HSPA1L: variants seen among roughly 807,000 people sequenced by gnomAD.
HSPA1L encodes the protein heat shock protein family A (Hsp70) member 1 like.
HSPA1L carries 21 observed loss-of-function variants against 31.5 expected under a neutral mutation model. That is an observed-to-expected ratio of 0.67 (90% CI 0.47 to 0.96). HSPA1L has a LOEUF of 0.96. Ranked by LOEUF, HSPA1L falls within the 40% of genes least tolerant of loss-of-function variation. The pLI is 0.00. For synonymous variants in HSPA1L, 293 were observed against 323.1 expected (o/e 0.91, Z 1.00); for missense variants, 709 against 813.4 (o/e 0.87, Z 1.56).
intron 1 of HSPA1L, among the ~76,000 whole-genome samples, chr6:31,813,396 T>C (rs1463401328): frequency 6.6e-6 from 1 of 152,152 alleles, no homozygotes; most frequent in East Asian, 1.9e-4. Context: ...CTCCACCTCC[T>C]GGGTTCAAGC....
rs1815822205 is a variant in HSPA1L, at chr6:31,815,251, G to C, written c.-376C>G. 6.6e-6 allele frequency among the ~76,000 whole-genome samples: 1 copy of C among 152,138 alleles called. No individual in the cohort carries two copies. Among genetic ancestry groups the C allele is most frequent in the South Asian group, 2.1e-4 (1 of 4,824 alleles). ...CCCTTCCTGTCAATTAGGCGCTGAA[G>C]CGCAGGCGGTCAGCATCGCCATGGA... On this transcript the variant is annotated 5_prime_UTR_variant, in exon 1 of 2. Transcript: ENST00000375654.
rs150810052 is a variant in HSPA1L at position 31,811,858 on chromosome 6, T to C, written c.115A>G (p.Thr39Ala). ...GTGAAGGCCACGTAGCTGGGGGTGG[T>C]GCGGTTGCCCTGGTCGTTGGCGATG... is the stretch of plus-strand genomic sequence containing the variant. Reference protein sequence around the residue: ...EIIANDQGNRTTPSYVAFTDT... With the variant: ...EIIANDQGNRATPSYVAFTDT... Residue 39 changes from threonine to alanine, a missense_variant, in exon 2 of 2, where the codon ACC becomes GCC. Physicochemically the swap from Thr to Ala is moderately conservative, Grantham distance 58. Transcript: ENST00000375654. 2.4e-5 allele frequency: 38 copies of C among 1,614,038 alleles called. No individual in the cohort carries two copies. Among genetic ancestry groups the C allele is most frequent in the Non-Finnish European group, 3.1e-5 (37 of 1,180,038 alleles).
chr6:31,812,127 C>A, intron 1 of HSPA1L, 142 bp from the exon 2 acceptor site: 1 of 1,096,020 alleles, frequency 9.1e-7, no homozygotes, highest in Non-Finnish European at 1.3e-6. Flanking sequence ...CTCCTAGGCT[C>A]CAGCAATCTT....
chr6:31,812,078 G>T, intron 1 of HSPA1L, 93 bp from the exon 2 acceptor site: 1 of 1,446,396 alleles, frequency 6.9e-7, no homozygotes, highest in South Asian at 1.4e-5. Flanking sequence ...ACCCAGGTTG[G>T]AGTGCAGAGG....
intron 1 of HSPA1L, 103 bp downstream of exon 1, chr6:31,814,786 A>T (rs1405080591): frequency 2.0e-6 from 1 of 499,530 alleles, no homozygotes; most frequent in Non-Finnish European, 2.6e-6. Context: ...CAACGCCCAC[A>T]TACCTCAGGC....
At chr6:31,812,965 G>A (rs1463520416) in intron 1 of HSPA1L, among the ~76,000 whole-genome samples, 1 of 152,042 alleles carries the variant, frequency 6.6e-6, no homozygotes, top group Admixed American at 6.6e-5. Flanking sequence ...TGGACCACAG[G>A]TGAATGCCAC....
rs149204208 is a variant in HSPA1L at position 31,811,463 on chromosome 6, A to C, written c.510T>G (p.Asn170Lys). 6.2e-6 allele frequency: 10 copies of C among 1,614,060 alleles called. No homozygotes were observed. In the South Asian group the frequency reaches 9.9e-5, roughly 16 times the overall value. The change falls in exon 2 of 2, where the codon AAT (asparagine) becomes AAG (lysine). Residue 170 changes from asparagine to lysine, a missense_variant. Coordinates refer to ENST00000375654, the MANE Select transcript of HSPA1L (RefSeq NM_005527.4). ...TKDAGVIAGLNVLRIINEPTA... is the reference protein window; with the variant it reads ...TKDAGVIAGLKVLRIINEPTA... ...TGGGCTCATTGATGATTCTTAGCAC[A>C]TTAAGTCCAGCAATCACACCTGCAT...
chr6:31,814,998 C>A lies in HSPA1L; in HGVS notation c.-123G>T. 1 of 238,732 alleles carries A rather than the reference C, an allele frequency of 4.2e-6. No homozygotes were observed. Among genetic ancestry groups the A allele is most frequent in the Non-Finnish European group, 6.3e-6 (1 of 158,986 alleles). 14.8% of individuals were successfully genotyped at this position (238,732 alleles called of 1,614,324 possible). ...AACTGCACAACCGGGGTCCCCCCAC[C>A]CCCCACCCCGTCCCTCCCTGCAAAT... is the stretch of plus-strand genomic sequence containing the variant. On this transcript the variant is annotated 5_prime_UTR_variant, in exon 1 of 2. Transcript: ENST00000375654.
rs940984773 is a variant in HSPA1L, at chr6:31,815,030, C to G, written c.-155G>C. ...CCCGTCCCTCCCTGCAAATTTGAGA[C>G]GGCTCCAACTCAGTAATCTTTTTCC... On this transcript the variant is annotated 5_prime_UTR_variant, in exon 1 of 2. Transcript: ENST00000375654. 1.8e-5 allele frequency: 14 copies of G among 791,086 alleles called. No homozygotes were observed. In the East Asian group the frequency reaches 2.0e-3, roughly 111 times the overall value. 49.0% of individuals were successfully genotyped at this position (791,086 alleles called of 1,614,324 possible).
rs779075036 is a variant in HSPA1L at position 31,810,784 on chromosome 6, C to CCAG, written c.1186_1188dup (p.Leu396dup). On this transcript the variant is annotated inframe_insertion, in exon 2 of 2. Coordinates refer to ENST00000375654, the MANE Select transcript of HSPA1L (RefSeq NM_005527.4). The stretch of plus-strand genomic sequence containing the variant: ...AGCCCCAGGGACAGGGGAGCCACGT[C>CCAG]CAGCAGCAGCAGGTCCTGTACCTTC... 1.7e-5 allele frequency: 28 copies of CCAG among 1,613,976 alleles called. No individual in the cohort carries two copies. Among genetic ancestry groups the CCAG allele is most frequent in the Non-Finnish European group, 2.2e-5 (26 of 1,180,010 alleles).
In HSPA1L at chr6:31,810,230, C is replaced by T. The variant is rs770301919; in HGVS notation, c.1743G>A (p.Ser581=). 2.4e-5 allele frequency: 36 copies of T among 1,525,620 alleles called. No homozygotes were observed. Among genetic ancestry groups the T allele is most frequent in the South Asian group, 1.3e-4 (10 of 74,796 alleles). 94.5% of individuals were successfully genotyped at this position (1,525,620 alleles called of 1,614,324 possible). A position where few individuals can be genotyped will look rare whatever the true frequency, so the allele number is the denominator to read the frequency against. The change falls in exon 2 of 2, where the codon TCG becomes TCA. Residue 581 remains serine (S), a synonymous_variant. Coordinates refer to ENST00000375654, the MANE Select transcript of HSPA1L (RefSeq NM_005527.4). Reference sequence around the variant, plus strand: ...CTGCCAGTTGATTGACCTCCAGCCACGAAAGGAGCTCGTTGCATTTATCCA... The same window carrying T: ...CTGCCAGTTGATTGACCTCCAGCCATGAAAGGAGCTCGTTGCATTTATCCA... ...KILDKCNELL[S]WLEVNQLAEK...
Position 31,811,220 on chromosome 6 carries a change from G to C in HSPA1L, c.753C>G (p.His251Gln), listed in dbSNP as rs747422784. The C allele has an allele frequency of 3.1e-6, 5 of 1,614,030 alleles. No homozygotes were observed. In the African/African-American group the frequency reaches 6.7e-5, roughly 22 times the overall value. Residue 251 changes from histidine to glutamine, a missense_variant, in exon 2 of 2, where the codon CAC (histidine) becomes CAG (glutamine). Transcript: ENST00000375654. ...GCTTGTTCTGGCTGATGTCCTTTTTGTGTTTCCTCTTGAACTCCTCCACGA... is the reference window on the plus strand; with the variant it reads ...GCTTGTTCTGGCTGATGTCCTTTTTCTGTTTCCTCTTGAACTCCTCCACGA... ...SHFVEEFKRK[H>Q]KKDISQNKRA...
In HSPA1L at chr6:31,810,903, T is replaced by C. The variant is rs181670945; in HGVS notation, c.1070A>G (p.Asn357Ser). Reference protein sequence around the residue: ...KVQRLLQDYFNGRDLNKSINP... With the variant: ...KVQRLLQDYFSGRDLNKSINP... ...GATGCTCTTGTTGAGATCACGTCCA[T>C]TGAAGTAGTCCTGAAGCAGCCGCTG... The change falls in exon 2 of 2, where the codon AAT becomes AGT. Residue 357 changes from asparagine (N) to serine (S), a missense_variant. Transcript: ENST00000375654. The C allele has an allele frequency of 3.7e-5, 59 of 1,614,158 alleles. No homozygotes were observed. The highest frequency in any genetic ancestry group is 7.7e-5 in the South Asian group (7 of 91,080).
In HSPA1L at chr6:31,809,857, C is replaced by T. The variant is rs1268505385; in HGVS notation, c.*190G>A. The T allele has an allele frequency of 4.7e-6, 2 of 424,754 alleles. No homozygotes were observed. Among genetic ancestry groups the T allele is most frequent in the Non-Finnish European group, 8.1e-6 (2 of 246,070 alleles). 26.3% of individuals were successfully genotyped at this position (424,754 alleles called of 1,614,324 possible). On this transcript the variant is annotated 3_prime_UTR_variant, in exon 2 of 2. Transcript: ENST00000375654. The stretch of plus-strand genomic sequence containing the variant: ...CGGTTTAAAGAGGGGCCTAGTTTTC[C>T]TGAGTCCATTCCAAAGTCAGAAACA...
Position 31,811,621 on chromosome 6 carries a change from G to T in HSPA1L, c.352C>A (p.Pro118Thr). The T allele has an allele frequency of 1.2e-6, 2 of 1,614,082 alleles. No individual in the cohort carries two copies. Among genetic ancestry groups the T allele is most frequent in the Non-Finnish European group, 1.7e-6 (2 of 1,180,018 alleles). ...AATACCATCGAAGAGATTTCCTCAG[G>T]GTAGAAAGCTTTATTCTCCCCTTTG... ...SYKGENKAFY[P>T]EEISSMVLTK... The change falls in exon 2 of 2, where the codon CCT becomes ACT. Residue 118 changes from proline to threonine, a missense_variant. Pro to Thr is a conservative substitution (Grantham distance 38). Transcript: ENST00000375654.
In HSPA1L at chr6:31,810,740, C is replaced by G; in HGVS notation, c.1233G>C (p.Val411=). The G allele has an allele frequency of 6.2e-7, 1 of 1,614,032 alleles. No homozygotes were observed. The highest frequency in any genetic ancestry group is 8.5e-7 in the Non-Finnish European group (1 of 1,179,998). ...AGTTGCGCTTTATCAGGGCAGTCAT[C>G]ACGCCCCCAGCCGTCTCCAGCCCCA... is the stretch of plus-strand genomic sequence containing the variant. The part of the protein sequence containing the change: ...LSLGLETAGG[V]MTALIKRNST... The change falls in exon 2 of 2, where the codon GTG becomes GTC. Residue 411 remains valine (V), a synonymous_variant. Coordinates refer to ENST00000375654, the MANE Select transcript of HSPA1L (RefSeq NM_005527.4).
Position 31,809,945 on chromosome 6 carries a change from T to C in HSPA1L, c.*102A>G. On this transcript the variant is annotated 3_prime_UTR_variant, in exon 2 of 2. Coordinates refer to ENST00000375654, the MANE Select transcript of HSPA1L (RefSeq NM_005527.4). ...CTTCTCCAGAATTTCCAAGGGATGG[T>C]AACTTAGATTCAGGTCTGGTCAAGA... 1.0e-6 allele frequency: 1 copy of C among 1,003,592 alleles called. No individual in the cohort carries two copies. Among genetic ancestry groups the C allele is most frequent in the Non-Finnish European group, 1.4e-6 (1 of 740,224 alleles). The allele number at this position is 1,003,592 out of a possible 1,614,324, so 62.2% of individuals were successfully genotyped here.
chr6:31,811,048 C>T lies in HSPA1L; in HGVS notation c.925G>A (p.Ala309Thr), dbSNP rs1193728135. 2.4e-5 allele frequency: 39 copies of T among 1,614,092 alleles called. No homozygotes were observed. The highest frequency in any genetic ancestry group is 3.1e-5 in the Non-Finnish European group (36 of 1,180,038). The change falls in exon 2 of 2, where the codon GCA becomes ACA. Residue 309 changes from alanine (A) to threonine (T), a missense_variant. By Grantham distance (58) the Ala-to-Thr change is moderately conservative. Transcript: ENST00000375654. ...ITRARFEELC[A>T]DLFRGTLEPV... ...TCCAGGGTACCCCTAAACAGGTCTG[C>T]ACACAACTCTTCAAATCGAGCTCTG...
chr6:31,813,998 T>A (rs548298145), intron 1 of HSPA1L, among the ~76,000 whole-genome samples: 6 of 152,364 alleles, frequency 3.9e-5, no homozygotes, highest in African/African-American at 1.2e-4. Context: ...AGGCTGAAGA[T>A]GACTGCTAGA....
Sources: allele counts gnomAD v4.1 joint callset (sites outside exome capture counted in the v4.1 genomes callset), GRCh38; gene constraint gnomAD v4.1.1; transcripts MANE v1.5; gene names NCBI Gene and HGNC (gene_info 2026-07-23, HGNC 2026-07-21).